NPAS3: variants seen among roughly 807,000 people sequenced by gnomAD.
NPAS3 encodes neuronal PAS domain-containing protein 3.
A neutral mutation model predicts 73.1 loss-of-function variants in NPAS3; 14 were observed. That is an observed-to-expected ratio of 0.19 (90% confidence interval 0.13 to 0.30). The LOEUF (loss-of-function observed/expected upper bound fraction) is 0.30, where lower values mean the gene tolerates loss of function less well. Among genes scored for constraint, NPAS3 ranks in the 10% least tolerant of loss-of-function variants. The probability of loss-of-function intolerance (pLI) is 1.00; values close to 1 mark genes in which losing one functional copy is unlikely to be tolerated. For missense variants in NPAS3, 1,096 were observed against 1,250.0 expected (o/e 0.88, Z 1.86); for synonymous variants, 620 against 541.5 (o/e 1.14, Z -2.01).
intron 6 of NPAS3, among the ~76,000 whole-genome samples, chr14:33,702,110 G>C (rs996786736): frequency 6.6e-6 from 1 of 152,224 alleles, no homozygotes; most frequent in African/African-American, 2.4e-5. Flanking sequence ...CCTTTCAGAA[G>C]TAACTCTCTA....
At position 33,781,191 on chromosome 14, in the gene NPAS3, C is replaced by T. The variant is rs142267275; in HGVS notation, c.1153+2619C>T. ...GATCCTAATCAGATTGAAATTTCAG[C>T]GTTCTTGTAGTGCTTAATATCTTCA... is the stretch of plus-strand genomic sequence containing the variant. On this transcript the variant is annotated intron_variant, in intron 9 of 11. Transcript: ENST00000356141. Among the ~76,000 whole-genome samples, 302 of 152,284 alleles carry T rather than the reference C, an allele frequency of 2.0e-3. 1 individual carries two copies. The highest frequency in any genetic ancestry group is 0.01 in the Middle Eastern group (3 of 294).
At chr14:32,938,486 TGAGAGAGAGAGA>T (rs369330767), upstream of NPAS3, among the ~76,000 whole-genome samples, 30 of 55,934 alleles carry the variant, frequency 5.4e-4, 2 homozygotes, top group South Asian at 0.011. Context: ...AGAGAGAAAT[TGAGAGAGAGAGA>T]GAGAGAGAGA....
chr14:33,664,677 C>G (rs912254796), intron 5 of NPAS3, among the ~76,000 whole-genome samples: 1 of 151,964 alleles, frequency 6.6e-6, no homozygotes, highest in African/African-American at 2.4e-5. Flanking sequence ...TAAGAAAAAA[C>G]CCCATCAAAA....
chr14:33,667,545 T>C (rs2059487354), intron 5 of NPAS3, among the ~76,000 whole-genome samples: 1 of 152,242 alleles, frequency 6.6e-6, no homozygotes, highest in African/African-American at 2.4e-5. Context: ...CTCAGTCTGT[T>C]ATTAAACAGT....
intron 7 of NPAS3, among the ~76,000 whole-genome samples, chr14:33,762,395 T>C (rs2062322830): frequency 6.6e-6 from 1 of 152,196 alleles, no homozygotes; most frequent in Non-Finnish European, 1.5e-5. Flanking sequence ...ACTAGAACAG[T>C]CTTTGTGCCA....
chr14:33,642,142 T>C (rs1003958499), intron 5 of NPAS3, among the ~76,000 whole-genome samples: 2 of 152,150 alleles, frequency 1.3e-5, no homozygotes, highest in Non-Finnish European at 2.9e-5. Context: ...GCGCTGAAGT[T>C]TCATTAACAG....
intron 2 of NPAS3, among the ~76,000 whole-genome samples, chr14:33,136,058 CTTTTTTT>C (rs34308954): frequency 7.8e-5 from 9 of 115,412 alleles, no homozygotes; most frequent in Non-Finnish European, 1.6e-4. Context: ...TACCTTTTTT[CTTTTTTT>C]TTTTTTTTTT....
At chr14:33,111,340 T>A (rs1349568390) in intron 2 of NPAS3, among the ~76,000 whole-genome samples, 1 of 152,148 alleles carries the variant, frequency 6.6e-6, no homozygotes, top group Non-Finnish European at 1.5e-5. Flanking sequence ...GAACGGTGAT[T>A]TTGAGGCTGA....
At chr14:33,731,454 A>G (rs539182672) in intron 6 of NPAS3, among the ~76,000 whole-genome samples, 120 of 151,654 alleles carry the variant, frequency 7.9e-4, no homozygotes, top group Non-Finnish European at 1.4e-3. Context: ...AGAGAGAAAG[A>G]AAAAAAGGCC....
At chr14:33,731,438 AAAG>A (rs1325818904) in intron 6 of NPAS3, among the ~76,000 whole-genome samples, 1 of 144,242 alleles carries the variant, frequency 6.9e-6, no homozygotes, top group African/African-American at 2.7e-5. Context: ...AAAAAAAAAA[AAAG>A]AGAGAGAGAA....
At chr14:33,059,078 G>A (rs1447172437) in intron 2 of NPAS3, among the ~76,000 whole-genome samples, 1 of 152,152 alleles carries the variant, frequency 6.6e-6, no homozygotes, top group Non-Finnish European at 1.5e-5. Context: ...GTAACTTGAA[G>A]TTGCAGAAAG....
At chr14:33,621,346 G>A (rs545810424) in intron 5 of NPAS3, among the ~76,000 whole-genome samples, 191 of 152,218 alleles carry the variant, frequency 1.3e-3, no homozygotes, top group Non-Finnish European at 1.9e-3. Context: ...CCAGCTAAAA[G>A]ATAGGGATGC....
chr14:33,336,559 C>T (rs1040525070), intron 3 of NPAS3, among the ~76,000 whole-genome samples: 1 of 152,134 alleles, frequency 6.6e-6, no homozygotes, highest in Non-Finnish European at 1.5e-5. Flanking sequence ...ATACTTGGAC[C>T]CTTTTTTAAA....
chr14:33,087,189 ATAT>A (rs2042061299), intron 2 of NPAS3, among the ~76,000 whole-genome samples: 1 of 124,856 alleles, frequency 8.0e-6, no homozygotes, highest in South Asian at 2.7e-4. Flanking sequence ...ATACAATATA[ATAT>A]TGTATAATAA....
chr14:33,695,130 A>G (rs1023179013), intron 6 of NPAS3, among the ~76,000 whole-genome samples: 9 of 152,272 alleles, frequency 5.9e-5, no homozygotes, highest in African/African-American at 2.2e-4. Flanking sequence ...GAACCACATG[A>G]CCCAACTTTT....
At chr14:33,668,518 TTAAAA>T (rs1485841735) in intron 5 of NPAS3, among the ~76,000 whole-genome samples, 2 of 152,154 alleles carry the variant, frequency 1.3e-5, no homozygotes, top group African/African-American at 4.8e-5. Context: ...TTACCTTTCT[TTAAAA>T]TATAAGAGCT....
intron 7 of NPAS3, among the ~76,000 whole-genome samples, chr14:33,743,251 A>G (rs1021715323): frequency 2.6e-5 from 4 of 152,196 alleles, no homozygotes; most frequent in African/African-American, 9.7e-5. Flanking sequence ...TAAGACTTGA[A>G]AGTCAAAATT....
chr14:33,395,795 C>G (rs1166256964), intron 4 of NPAS3, among the ~76,000 whole-genome samples: 1 of 152,108 alleles, frequency 6.6e-6, no homozygotes, highest in Non-Finnish European at 1.5e-5. Context: ...TTCATTCACT[C>G]AGTCATTTAT....
chr14:33,088,394 C>T (rs569861416), intron 2 of NPAS3, among the ~76,000 whole-genome samples: 2 of 152,328 alleles, frequency 1.3e-5, no homozygotes, highest in East Asian at 1.9e-4. Flanking sequence ...GATTATATCC[C>T]GTGCCTGGCT....
Sources: allele counts gnomAD v4.1 joint callset (sites outside exome capture counted in the v4.1 genomes callset), GRCh38; gene constraint gnomAD v4.1.1; transcripts MANE v1.5; gene names NCBI Gene and HGNC (gene_info 2026-07-23, HGNC 2026-07-21).